UBR3: variants seen among roughly 807,000 people sequenced by gnomAD.
UBR3 encodes ubiquitin protein ligase E3 component n-recognin 3, also known as E3 ubiquitin-protein ligase UBR3.
Under a neutral mutation model 243.2 loss-of-function variants are expected in UBR3, and 85 were observed. That is an observed-to-expected ratio of 0.35 (90% CI 0.29 to 0.42). The LOEUF (loss-of-function observed/expected upper bound fraction) is 0.42. Ranked by LOEUF, UBR3 falls within the 10% of genes least tolerant of loss-of-function variation. The probability of loss-of-function intolerance (pLI) is 1.00; values close to 1 mark genes in which losing one functional copy is unlikely to be tolerated. For synonymous variants in UBR3, 748 were observed against 799.8 expected (o/e 0.94, Z 1.09); for missense variants, 1,686 against 2,300.8 (o/e 0.73, Z 5.47).
chr2:169,998,367 G>A (rs918801009), intron 26 of UBR3, among the ~76,000 whole-genome samples: 1 of 152,188 alleles, frequency 6.6e-6, no homozygotes, highest in Non-Finnish European at 1.5e-5. Context: ...TCTCCGAGCT[G>A]AAATCTGAGT....
chr2:169,906,950 T>G (rs2085032823), intron 10 of UBR3, among the ~76,000 whole-genome samples: 2 of 152,136 alleles, frequency 1.3e-5, no homozygotes, highest in South Asian at 4.1e-4. Context: ...TTAAGTAGAT[T>G]TATACTTTCT....
intron 24 of UBR3, among the ~76,000 whole-genome samples, chr2:169,984,528 G>A (rs2088906867): frequency 6.6e-6 from 1 of 152,074 alleles, no homozygotes; most frequent in South Asian, 2.1e-4. Flanking sequence ...TTTGGGGCCT[G>A]TCTTCTTTCA....
At chr2:169,891,615 C>CACAT (rs1260038007) in intron 6 of UBR3, among the ~76,000 whole-genome samples, 1 of 149,828 alleles carries the variant, frequency 6.7e-6, no homozygotes, top group Non-Finnish European at 1.5e-5. Context: ...GAGACAGAGA[C>CACAT]ACACACACAC....
chr2:169,925,667 C>T lies in UBR3; in HGVS notation c.2071C>T (p.Gln691Ter). 1 of 1,550,820 alleles carries T rather than the reference C, an allele frequency of 6.4e-7. No homozygotes were observed. Residue 691 changes from glutamine to a stop codon, truncating the protein, a stop_gained, in exon 14 of 39, where the codon CAA becomes TAA. Transcript: ENST00000272793. LOFTEE classifies it high-confidence loss of function. ...CAATATGTGGGTAAGAAATGGTCTG[C>T]AAATCAAAGGACAAGCCATGACGTA... is the stretch of plus-strand genomic sequence containing the variant. ...HSNMWVRNGL[Q>*]IKGQAMTYVQ...
chr2:169,988,535 T>C lies in UBR3; in HGVS notation c.3784+1741T>C, dbSNP rs531653792. On this transcript the variant is annotated intron_variant, in intron 25 of 38. Transcript: ENST00000272793. ...AGAAACTAATATTGCCAGGACACAG[T>C]GGTTCACGCCTGTAATTCCAGCATT... Among the ~76,000 whole-genome samples, 32 of 152,272 alleles carry C rather than the reference T, an allele frequency of 2.1e-4. No homozygotes were observed. The South Asian group carries it at 4.6e-3, about 22-fold the overall frequency.
intron 30 of UBR3, among the ~76,000 whole-genome samples, chr2:170,025,122 C>T (rs1364443100): frequency 6.6e-6 from 1 of 152,072 alleles, no homozygotes; most frequent in Admixed American, 6.5e-5. Context: ...ATATAATGCT[C>T]AGACTACTTT....
chr2:169,867,580 T>C (rs570813136), intron 1 of UBR3, among the ~76,000 whole-genome samples: 1 of 152,352 alleles, frequency 6.6e-6, no homozygotes, highest in South Asian at 2.1e-4. Context: ...ACAATTTTAA[T>C]AGATATGGTC....
chr2:169,869,220 T>G (rs2083357450), intron 1 of UBR3, among the ~76,000 whole-genome samples: 2 of 137,218 alleles, frequency 1.5e-5, no homozygotes, highest in Non-Finnish European at 3.2e-5. Context: ...GATAAGGTTT[T>G]TTTTTTTTTT....
chr2:169,887,017 A>T (rs1412139740), intron 5 of UBR3, among the ~76,000 whole-genome samples: 2 of 152,110 alleles, frequency 1.3e-5, no homozygotes, highest in Non-Finnish European at 2.9e-5. Context: ...ACTTCTTTTT[A>T]TGAAGCTCAC....
chr2:169,969,676 G>A (rs1481768213), intron 24 of UBR3, among the ~76,000 whole-genome samples: 1 of 151,436 alleles, frequency 6.6e-6, no homozygotes, highest in East Asian at 1.9e-4. Context: ...AGCCTCCCAA[G>A]CAGCTGGGAC....
chr2:169,912,152 G>A (rs1180745025), intron 10 of UBR3, among the ~76,000 whole-genome samples: 3 of 152,122 alleles, frequency 2.0e-5, no homozygotes, highest in Admixed American at 1.3e-4. Context: ...TTTAACTCAC[G>A]TGGATTTGAT....
chr2:169,829,219 G>C (rs186454934), intron 1 of UBR3, among the ~76,000 whole-genome samples: 6,753 of 152,110 alleles, frequency 0.044, 219 homozygotes, highest in East Asian at 0.12. Context: ...AGGCTTCTTG[G>C]ATATTAAAAA....
At chr2:169,927,506 G>T in intron 17 of UBR3, 101 bp downstream of exon 17, 2 of 885,982 alleles carry the variant, frequency 2.3e-6, no homozygotes, top group Non-Finnish European at 3.3e-6. Flanking sequence ...TTTTTTCAAA[G>T]TTGAAAAATA....
rs140588848 is a variant in UBR3 at position 169,844,532 on chromosome 2, C to T, written c.545+16480C>T. Reference sequence around the variant, plus strand: ...TTTTTGAGACAGGGTCTTACTCTGTCACCCAGGATGGAGTGCAGTGGTGCA... The same window carrying T: ...TTTTTGAGACAGGGTCTTACTCTGTTACCCAGGATGGAGTGCAGTGGTGCA... On this transcript the variant is annotated intron_variant, in intron 1 of 38. Transcript: ENST00000272793. Among the ~76,000 whole-genome samples the T allele has an allele frequency of 3.2e-3, 477 of 147,336 alleles. 17 individuals carry two copies. In the East Asian group the frequency reaches 0.093, roughly 29 times the overall value.
At chr2:169,836,310 C>G (rs1046171867) in intron 1 of UBR3, among the ~76,000 whole-genome samples, 1 of 151,326 alleles carries the variant, frequency 6.6e-6, no homozygotes, top group Non-Finnish European at 1.5e-5. Flanking sequence ...GTCTCGAACT[C>G]CTGACCTCCG....
chr2:169,853,327 C>T (rs189005857), intron 1 of UBR3, among the ~76,000 whole-genome samples: 77 of 152,302 alleles, frequency 5.1e-4, no homozygotes, highest in Non-Finnish European at 7.9e-4. Flanking sequence ...AAGCTATGAG[C>T]AGGATCTTTT....
rs779930687 is a variant in UBR3, at chr2:169,891,148, ATAT to A, written c.1039-12_1039-10del. 3 of 1,540,816 alleles carry A rather than the reference ATAT, an allele frequency of 1.9e-6. No homozygotes were observed. The South Asian group carries it at 3.6e-5, about 18-fold the overall frequency. The stretch of plus-strand genomic sequence containing the variant: ...ATGAATGTGACTGTGTATAATGCTA[ATAT>A]TATTTTCCTTCAGGATGATCAGGAT... On this transcript the variant is annotated splice_polypyrimidine_tract_variant and intron_variant, in intron 5 of 38. Transcript: ENST00000272793.
intron 1 of UBR3, among the ~76,000 whole-genome samples, chr2:169,867,629 G>T (rs2083303025): frequency 6.6e-6 from 1 of 152,190 alleles, no homozygotes; most frequent in Admixed American, 6.5e-5. Flanking sequence ...ACACTTCCAT[G>T]TATACAACAA....
intron 9 of UBR3, among the ~76,000 whole-genome samples, chr2:169,905,649 A>G (rs1381270357): frequency 1.3e-5 from 2 of 152,194 alleles, no homozygotes; most frequent in Non-Finnish European, 2.9e-5. Flanking sequence ...TGCTGGGATT[A>G]CAGGGATTAG....
Sources: gnomAD v4.1 joint callset for allele counts (sites outside exome capture counted in the v4.1 genomes callset) on GRCh38, gnomAD v4.1.1 for gene constraint, MANE v1.5 for transcripts, NCBI Gene and HGNC (gene_info 2026-07-23, HGNC 2026-07-21) for gene names.